ENTPD6: variants seen among roughly 807,000 people sequenced by gnomAD.
ENTPD6 encodes the protein CD39 antigen-like 2.
In ENTPD6, 46 loss-of-function variants were observed where a neutral mutation model predicts 61.5. That is an observed-to-expected ratio of 0.75 (90% CI 0.59 to 0.96). ENTPD6 has a LOEUF of 0.96. Among genes scored for constraint, ENTPD6 ranks in the 40% least tolerant of loss-of-function variants. The probability of loss-of-function intolerance (pLI) is 0.00; values close to 1 mark genes in which losing one functional copy is unlikely to be tolerated. For synonymous variants in ENTPD6, 252 were observed against 255.5 expected (o/e 0.99, Z 0.13); for missense variants, 612 against 629.0 (o/e 0.97, Z 0.29).
intron 8 of ENTPD6, among the ~76,000 whole-genome samples, chr20:25,217,259 C>T (rs1167764677): frequency 9.2e-5 from 14 of 152,236 alleles, no homozygotes; most frequent in African/African-American, 3.1e-4. Context: ...CTGATATGAT[C>T]GTCGTCATGT....
intron 9 of ENTPD6, 96 bp downstream of exon 9, chr20:25,217,677 C>T (rs570067128): frequency 9.7e-7 from 1 of 1,033,686 alleles, no homozygotes; most frequent in African/African-American, 1.6e-5. Context: ...GATGGCAGAT[C>T]TGGGAATCCC....
In ENTPD6 at chr20:25,213,291, A is replaced by T. The variant is rs999751828; in HGVS notation, c.482A>T (p.Asp161Val). The T allele has an allele frequency of 5.6e-6, 9 of 1,614,110 alleles. No individual in the cohort carries two copies. In the Admixed American group the frequency reaches 1.5e-4, roughly 27 times the overall value. ...KSAQGIRELL[D>V]VAKQDIPFDF... ...GCTCAGGGAATCCGGGAACTACTGG[A>T]TGTTGCTAAACAGGACATTCCGTTC... Residue 161 changes from aspartate (D) to valine (V), a missense_variant, in exon 5 of 15, where the codon GAT (aspartate) becomes GTT (valine). By Grantham distance (152) the Asp-to-Val change is radical. Transcript: ENST00000376652.
rs2092470943 is a variant in ENTPD6 at position 25,218,549 on chromosome 20, G to A, written c.879-1G>A. On this transcript the variant is annotated splice_acceptor_variant, in intron 9 of 14. Transcript: ENST00000376652. LOFTEE classifies it high-confidence loss of function. ...CCCTCACTGAGGTGTCATTCCCACA[G>A]CTACCTCGGGCTCGGGCTGATGTCG... 1 of 1,604,074 alleles carries A rather than the reference G, an allele frequency of 6.2e-7. No individual in the cohort carries two copies. The highest frequency in any genetic ancestry group is 8.5e-7 in the Non-Finnish European group (1 of 1,177,320).
In ENTPD6 at chr20:25,225,202, C is replaced by T. The variant is rs2092763337; in HGVS notation, c.1244-3C>T. 1.2e-6 allele frequency: 2 copies of T among 1,611,414 alleles called. No individual in the cohort carries two copies. The highest frequency in any genetic ancestry group is 1.7e-5 in the Admixed American group (1 of 59,832). The stretch of plus-strand genomic sequence containing the variant: ...AGCGTGAAGGGACGTGTCTCATCCC[C>T]AGTGTGTCGGACCCTGGAGACACAG... On this transcript the variant is annotated splice_region_variant and splice_polypyrimidine_tract_variant and intron_variant, in intron 13 of 14. Transcript: ENST00000376652.
rs2122634977 is a variant in ENTPD6, at chr20:25,204,856, G to A, written c.-15-1666G>A. Reference sequence around the variant, plus strand: ...TCAGAGTTCCTGACATCCTGAATGTGGCTGCTTCTGGGCTGGGCATTCTCT... The same window carrying A: ...TCAGAGTTCCTGACATCCTGAATGTAGCTGCTTCTGGGCTGGGCATTCTCT... On this transcript the variant is annotated intron_variant, in intron 1 of 14. Transcript: ENST00000376652. 2.0e-5 allele frequency among the ~76,000 whole-genome samples: 3 copies of A among 152,300 alleles called. No homozygotes were observed. The East Asian group carries it at 5.8e-4, about 29-fold the overall frequency.
rs2123429170 is a variant in ENTPD6, at chr20:25,225,703, G to C, written c.*106G>C. 2 of 861,792 alleles carry C rather than the reference G, an allele frequency of 2.3e-6. No individual in the cohort carries two copies. The highest frequency in any genetic ancestry group is 5.0e-5 in the East Asian group (2 of 40,210). 53.4% of individuals were successfully genotyped at this position (861,792 alleles called of 1,614,324 possible). ...AGGAGCCACAGCACAGGCCGTGCTG[G>C]CACTTTCTGCACACTGGCTCTGGGA... On this transcript the variant is annotated 3_prime_UTR_variant, in exon 15 of 15. Transcript: ENST00000376652.
intron 9 of ENTPD6, among the ~76,000 whole-genome samples, chr20:25,217,913 GTCC>G (rs1255048629): frequency 7.0e-6 from 1 of 143,156 alleles, no homozygotes; most frequent in African/African-American, 2.7e-5. Flanking sequence ...CGCCTCCTCT[GTCC>G]TCCTCCTTCA....
intron 13 of ENTPD6, chr20:25,224,994 C>T (rs1600694942): frequency 3.0e-6 from 2 of 659,140 alleles, no homozygotes; most frequent in Non-Finnish European, 5.1e-6. Context: ...TGCAAATCCC[C>T]TTGGAGCCCA....
At chr20:25,215,773 G>C in intron 7 of ENTPD6, 62 bp downstream of exon 7, 1 of 1,529,914 alleles carries the variant, frequency 6.5e-7, no homozygotes, top group South Asian at 1.1e-5. Context: ...GGCTCGACTG[G>C]GCCTTTCGAG....
At position 25,221,254 on chromosome 20, in the gene ENTPD6, C is replaced by T; in HGVS notation, c.966C>T (p.Val322=). ...GQPAKDGKEL[V]SPCLSPSFKG... ...CAGCTAAGGATGGAAAGGAGTTGGT[C>T]AGCCCTTGCTTGTCTCCCAGTTTCA... Residue 322 remains valine (V), a synonymous_variant, in exon 11 of 15, where the codon GTC becomes GTT. Transcript: ENST00000376652. 6.2e-7 allele frequency: 1 copy of T among 1,613,878 alleles called. No homozygotes were observed. Among genetic ancestry groups the T allele is most frequent in the Admixed American group, 1.7e-5 (1 of 60,016 alleles).
intron 14 of ENTPD6, 86 bp downstream of exon 14, chr20:25,225,403 C>G: frequency 6.3e-7 from 1 of 1,585,058 alleles, no homozygotes; most frequent in Middle Eastern, 1.7e-4. Context: ...GTCATGTCCC[C>G]CAGCCCATCC....
intron 1 of ENTPD6, among the ~76,000 whole-genome samples, chr20:25,202,400 T>C (rs534773471): frequency 6.6e-6 from 1 of 152,250 alleles, no homozygotes; most frequent in Non-Finnish European, 1.5e-5. Context: ...TAATTACTCA[T>C]AGGGAAGGAC....
intron 1 of ENTPD6, among the ~76,000 whole-genome samples, chr20:25,200,798 ATTTTCCTCCTCCTTTTTTACTT>A (rs570124553): frequency 0.012 from 1,740 of 150,626 alleles, 30 homozygotes; most frequent in African/African-American, 0.039. Flanking sequence ...AATCTTTATT[ATTTTCCTCCTCCTTTTTTACTT>A]TTTTCCTCCT....
At chr20:25,217,660 G>A in intron 9 of ENTPD6, 79 bp downstream of exon 9, 1 of 1,211,218 alleles carries the variant, frequency 8.3e-7, no homozygotes, top group Non-Finnish European at 1.2e-6. Context: ...GCCCTCTTGA[G>A]GTCATGGATG....
intron 12 of ENTPD6, 32 bp downstream of exon 12, chr20:25,223,010 GTCGGGGCGGCA>G: frequency 1.3e-6 from 2 of 1,586,702 alleles, no homozygotes; most frequent in Non-Finnish European, 1.7e-6. Flanking sequence ...GAGCAGGAAG[GTCGGGGCGGCA>G]GGGGGCGGGG....
chr20:25,218,595 C>A lies in ENTPD6; in HGVS notation c.924C>A (p.Gly308=), dbSNP rs138612595. The change falls in exon 10 of 15, where the codon GGC becomes GGA. Residue 308 remains glycine (G), a synonymous_variant. Coordinates refer to ENST00000376652, the MANE Select transcript of ENTPD6 (RefSeq NM_001247.5). The part of the protein sequence containing the change: ...GLMSARLAIL[G]GVEGQPAKDG... ...TGTCGGCACGCCTGGCGATCCTGGG[C>A]GGCGTGGAGGGGCAGCCTGGTGAGT... 6 of 1,607,188 alleles carry A rather than the reference C, an allele frequency of 3.7e-6. No individual in the cohort carries two copies. The Admixed American group carries it at 6.7e-5, about 18-fold the overall frequency.
At position 25,227,897 on chromosome 20, in the gene ENTPD6, G is replaced by A. The variant is rs549724402; in HGVS notation, c.*2300G>A. On this transcript the variant is annotated 3_prime_UTR_variant, in exon 15 of 15. Transcript: ENST00000376652. ...CAGTTTAATCTTTGCCATTCTGGCA[G>A]ATTTAAAAAAATGATAACTGGTAGT... Among the ~76,000 whole-genome samples the A allele has an allele frequency of 5.3e-5, 8 of 152,332 alleles. No individual in the cohort carries two copies. In the East Asian group the frequency reaches 1.5e-3, roughly 29 times the overall value.
At position 25,215,689 on chromosome 20, in the gene ENTPD6, G is replaced by A; in HGVS notation, c.687G>A (p.Trp229Ter). 6.2e-7 allele frequency: 1 copy of A among 1,614,222 alleles called. No individual in the cohort carries two copies. Reference sequence around the variant, plus strand: ...ACTCTCTTGCAGGCGTTTCGGCGTGGATCACCATCAACTTCCTGACAGGTG... The same window carrying A: ...ACTCTCTTGCAGGCGTTTCGGCGTGAATCACCATCAACTTCCTGACAGGTG... ...MNGTDEGVSA[W>*]ITINFLTGSL... is the part of the protein sequence containing the mutation. Residue 229 changes from tryptophan (W) to a stop codon, truncating the protein, a stop_gained, in exon 7 of 15, where the codon TGG (tryptophan) becomes TGA (stop). Coordinates refer to ENST00000376652, the MANE Select transcript of ENTPD6 (RefSeq NM_001247.5). LOFTEE classifies it high-confidence loss of function.
Position 25,209,910 on chromosome 20 carries a change from T to C in ENTPD6, c.438T>C (p.Ala146=), listed in dbSNP as rs2122848190. 6 of 1,614,110 alleles carry C rather than the reference T, an allele frequency of 3.7e-6. No homozygotes were observed. The highest frequency in any genetic ancestry group is 5.1e-6 in the Non-Finnish European group (6 of 1,179,922). Residue 146 remains alanine, a synonymous_variant, in exon 4 of 15, where the codon GCT becomes GCC. Coordinates refer to ENST00000376652, the MANE Select transcript of ENTPD6 (RefSeq NM_001247.5). ...TGAAGCCAGGTCTTTCTGCCTATGC[T>C]GATGATGTTGAAAAGGTAAGGATCC... ...KALKPGLSAY[A]DDVEKSAQGI...
Sources: gnomAD v4.1 joint callset for allele counts (sites outside exome capture counted in the v4.1 genomes callset) on GRCh38, gnomAD v4.1.1 for gene constraint, MANE v1.5 for transcripts, NCBI Gene and HGNC (gene_info 2026-07-23, HGNC 2026-07-21) for gene names.